NME7: variants seen among roughly 807,000 people sequenced by gnomAD.
NME7 encodes the protein NME/NM23 family member 7.
NME7 carries 41 observed loss-of-function variants against 49.1 expected under a neutral mutation model. That is an observed-to-expected ratio of 0.83 (90% CI 0.65 to 1.08). The LOEUF is 1.08. NME7 is among the 50% of genes least tolerant of loss of function. The probability of loss-of-function intolerance (pLI) is 0.00; values close to 1 mark genes in which losing one functional copy is unlikely to be tolerated. For missense variants in NME7, 423 were observed against 463.4 expected (o/e 0.91, Z 0.80); for synonymous variants, 139 against 150.6 (o/e 0.92, Z 0.56).
At chr1:169,194,395 T>C (rs1408266837) in intron 10 of NME7, among the ~76,000 whole-genome samples, 1 of 152,180 alleles carries the variant, frequency 6.6e-6, no homozygotes, top group African/African-American at 2.4e-5. Flanking sequence ...TAAAGTTCCA[T>C]GTTACCAAGC....
intron 10 of NME7, among the ~76,000 whole-genome samples, chr1:169,201,239 TA>T (rs761672031): frequency 4.0e-4 from 61 of 151,734 alleles, no homozygotes; most frequent in Non-Finnish European, 8.2e-4. Context: ...AATAAATAAA[TA>T]AATAAATAAA....
intron 1 of NME7, among the ~76,000 whole-genome samples, chr1:169,343,597 T>C (rs570360145): frequency 2.0e-5 from 3 of 151,736 alleles, no homozygotes; most frequent in South Asian, 2.1e-4. Flanking sequence ...GTTCAAGCAA[T>C]TCTCCTGCCT....
intron 7 of NME7, among the ~76,000 whole-genome samples, chr1:169,278,089 A>AG (rs1396311578): frequency 5.7e-4 from 87 of 151,562 alleles, no homozygotes; most frequent in African/African-American, 2.1e-3. Flanking sequence ...TTTGTGGGTA[A>AG]CCCGACCTTT....
chr1:169,341,417 T>C (rs1420316263), intron 1 of NME7, among the ~76,000 whole-genome samples: 1 of 152,202 alleles, frequency 6.6e-6, no homozygotes, highest in Non-Finnish European at 1.5e-5. Context: ...GGCAAAAGTC[T>C]GCTGCTGGGG....
In NME7 at chr1:169,354,634, C is replaced by A. The variant is rs557168062; in HGVS notation, c.3+13074G>T. Among the ~76,000 whole-genome samples, 285 of 147,578 alleles carry A rather than the reference C, an allele frequency of 1.9e-3. 2 individuals are homozygous for A. The highest frequency in any genetic ancestry group is 6.9e-3 in the African/African-American group (279 of 40,412). On this transcript the variant is annotated intron_variant, in intron 1 of 11. Coordinates refer to ENST00000367811, the MANE Select transcript of NME7 (RefSeq NM_013330.5). ...TGCCTGTACCAAAATATCTGGTGTA[C>A]ATATTTATATATTAAAGTATTAAAT...
At chr1:169,158,658 G>A (rs1340131807) in intron 11 of NME7, among the ~76,000 whole-genome samples, 1 of 152,116 alleles carries the variant, frequency 6.6e-6, no homozygotes, top group Non-Finnish European at 1.5e-5. Flanking sequence ...ATTGGGAACC[G>A]CTGCACTAGG....
chr1:169,316,950 G>A (rs1651653896), intron 3 of NME7, among the ~76,000 whole-genome samples: 1 of 150,518 alleles, frequency 6.6e-6, no homozygotes, highest in African/African-American at 2.4e-5. Flanking sequence ...AAAAACTGAA[G>A]AGAGGAAGAA....
At chr1:169,288,951 G>C (rs1650387763) in intron 6 of NME7, among the ~76,000 whole-genome samples, 2 of 151,892 alleles carry the variant, frequency 1.3e-5, no homozygotes, top group South Asian at 4.2e-4. Context: ...AACTAGAAAG[G>C]GCATGCTCTT....
intron 7 of NME7, 30 bp from the exon 8 acceptor site, chr1:169,237,717 T>C (rs367841232): frequency 7.9e-5 from 124 of 1,567,082 alleles, no homozygotes; most frequent in Non-Finnish European, 9.9e-5. Context: ...AGTGAAAAAA[T>C]ACAAAATTTT....
At chr1:169,141,869 T>C (rs2101810630) in intron 11 of NME7, among the ~76,000 whole-genome samples, 1 of 152,296 alleles carries the variant, frequency 6.6e-6, no homozygotes, top group Non-Finnish European at 1.5e-5. Flanking sequence ...GGGATGGACT[T>C]TGTCACTTAA....
intron 4 of NME7, among the ~76,000 whole-genome samples, chr1:169,308,759 T>C (rs994988265): frequency 2.0e-5 from 3 of 152,200 alleles, no homozygotes; most frequent in Non-Finnish European, 2.9e-5. Flanking sequence ...TAGAGTTACT[T>C]ACTTCATGAT....
intron 11 of NME7, among the ~76,000 whole-genome samples, chr1:169,164,002 C>T (rs960845311): frequency 7.9e-5 from 12 of 151,266 alleles, no homozygotes; most frequent in Admixed American, 3.3e-4. Flanking sequence ...CCCAGCTACT[C>T]GGGAGGCTGA....
intron 11 of NME7, among the ~76,000 whole-genome samples, chr1:169,153,274 A>C (rs1164165188): frequency 1.3e-5 from 2 of 152,136 alleles, no homozygotes; most frequent in Non-Finnish European, 1.5e-5. Flanking sequence ...TAGTAAATTA[A>C]AGTTATTATT....
chr1:169,253,786 T>C (rs1009681367), intron 7 of NME7, among the ~76,000 whole-genome samples: 3 of 151,944 alleles, frequency 2.0e-5, no homozygotes, highest in African/African-American at 7.2e-5. Context: ...TTGTTGAATT[T>C]TGTCAAAGGC....
chr1:169,182,414 C>T (rs1365110151), intron 10 of NME7, among the ~76,000 whole-genome samples: 1 of 152,182 alleles, frequency 6.6e-6, no homozygotes, highest in Non-Finnish European at 1.5e-5. Flanking sequence ...ATAAATGGCA[C>T]CACTCTTACA....
rs570236491 is a variant in NME7, at chr1:169,292,079, CAATT to C, written c.649-4675_649-4672del. Among the ~76,000 whole-genome samples, 26 of 151,986 alleles carry C rather than the reference CAATT, an allele frequency of 1.7e-4. No homozygotes were observed. In the South Asian group the frequency reaches 4.6e-3, roughly 27 times the overall value. On this transcript the variant is annotated intron_variant, in intron 6 of 11. Transcript: ENST00000367811. ...TACATTTTCAACAAAGGTGCAAAAG[CAATT>C]AATTAAAGAAATAAGGTCTTTTCAG...
Position 169,143,273 on chromosome 1 carries a change from CTT to C in NME7, c.1099-10458_1099-10457del, listed in dbSNP as rs71299493. Among the ~76,000 whole-genome samples, 36 of 98,178 alleles carry C rather than the reference CTT, an allele frequency of 3.7e-4. 2 individuals carry two copies. The highest frequency in any genetic ancestry group is 6.6e-4 in the Admixed American group (6 of 9,028). The allele number at this position is 98,178 out of a possible 152,430, so 64.4% of individuals were successfully genotyped here. ...TCTATTTCTCCAGTGTCACCTCAGG[CTT>C]TTTTTTTTTTTTTTTTGCATTTTAT... On this transcript the variant is annotated intron_variant, in intron 11 of 11. Transcript: ENST00000367811.
At chr1:169,279,443 T>C (rs1649905763) in intron 7 of NME7, among the ~76,000 whole-genome samples, 1 of 152,216 alleles carries the variant, frequency 6.6e-6, no homozygotes, top group South Asian at 2.1e-4. Flanking sequence ...GATCTCACAC[T>C]GCTGTGCTAG....
intron 7 of NME7, among the ~76,000 whole-genome samples, chr1:169,260,872 GAATGAAAA>G (rs1166189251): frequency 7.5e-6 from 1 of 133,534 alleles, no homozygotes; most frequent in Non-Finnish European, 1.8e-5. Flanking sequence ...ACAGACAAGT[GAATGAAAA>G]ACAGGCAAGA....
Sources: allele counts gnomAD v4.1 joint callset (sites outside exome capture counted in the v4.1 genomes callset), GRCh38; gene constraint gnomAD v4.1.1; transcripts MANE v1.5; gene names NCBI Gene and HGNC (gene_info 2026-07-23, HGNC 2026-07-21).